Variants in CFAP251 observed in about 807,000 individuals in gnomAD.
CFAP251 encodes the protein cilia- and flagella-associated protein 251.
A neutral mutation model predicts 126.7 loss-of-function variants in CFAP251; 93 were observed. That is an observed-to-expected ratio of 0.73 (90% CI 0.62 to 0.87). The LOEUF is 0.87. CFAP251 is among the 40% of genes least tolerant of loss of function. The probability of loss-of-function intolerance (pLI) is 0.00; values close to 1 mark genes in which losing one functional copy is unlikely to be tolerated. For synonymous variants in CFAP251, 503 were observed against 506.9 expected (o/e 0.99, Z 0.10); for missense variants, 1,287 against 1,389.2 (o/e 0.93, Z 1.17).
At chr12:121,985,091 T>G (rs1882714488) in intron 19 of CFAP251, among the ~76,000 whole-genome samples, 1 of 152,226 alleles carries the variant, frequency 6.6e-6, no homozygotes, top group Non-Finnish European at 1.5e-5. Flanking sequence ...GTAACCCTAA[T>G]GTGTTTGATA....
intron 3 of CFAP251, among the ~76,000 whole-genome samples, chr12:121,927,689 G>C (rs576394508): frequency 2.6e-4 from 40 of 152,210 alleles, no homozygotes; most frequent in Middle Eastern, 6.8e-3. Flanking sequence ...TACAGTGAAC[G>C]TGCTCCTCCA....
intron 4 of CFAP251, among the ~76,000 whole-genome samples, chr12:121,934,028 G>A (rs1005786147): frequency 1.3e-5 from 2 of 152,120 alleles, no homozygotes; most frequent in Non-Finnish European, 2.9e-5. Flanking sequence ...TGTTCATGTA[G>A]GGAACTTATC....
intron 19 of CFAP251, among the ~76,000 whole-genome samples, chr12:121,986,870 T>C (rs1174149788): frequency 6.6e-6 from 1 of 152,180 alleles, no homozygotes; most frequent in African/African-American, 2.4e-5. Flanking sequence ...GGCTATAAAT[T>C]TGGGGAGACC....
chr12:121,931,567 C>G (rs1397970736), intron 3 of CFAP251, among the ~76,000 whole-genome samples, 179 bp from the exon 4 acceptor site: 2 of 152,232 alleles, frequency 1.3e-5, no homozygotes, highest in Middle Eastern at 6.3e-3. Flanking sequence ...CCCGCCTCAG[C>G]CTCCCAAAGT....
At position 121,954,270 on chromosome 12, in the gene CFAP251, A is replaced by G. The variant is rs1881635042; in HGVS notation, c.1471A>G (p.Ile491Val). ...SASTFLGFPYIKPCKLVHLQK... is the reference protein window; with the variant it reads ...SASTFLGFPYVKPCKLVHLQK... ...CTCCACCTTTTTGGGCTTTCCCTAT[A>G]TCAAGCCTTGTAAATTGGTTCATTT... Residue 491 changes from isoleucine to valine, a missense_variant, in exon 10 of 22, where the codon ATC (isoleucine) becomes GTC (valine). Coordinates refer to ENST00000288912, the MANE Select transcript of CFAP251 (RefSeq NM_144668.6). 10 of 1,614,186 alleles carry G rather than the reference A, an allele frequency of 6.2e-6. No individual in the cohort carries two copies. The highest frequency in any genetic ancestry group is 8.5e-6 in the Non-Finnish European group (10 of 1,180,036).
intron 19 of CFAP251, among the ~76,000 whole-genome samples, chr12:121,993,860 C>T (rs1882951759): frequency 7.7e-6 from 1 of 129,740 alleles, no homozygotes; most frequent in Non-Finnish European, 1.7e-5. Flanking sequence ...GGGTCAGCCC[C>T]CCCGCCCGGC....
intron 19 of CFAP251, among the ~76,000 whole-genome samples, chr12:121,984,018 C>T (rs1156624415): frequency 6.6e-6 from 1 of 152,152 alleles, no homozygotes; most frequent in Non-Finnish European, 1.5e-5. Flanking sequence ...GAGTATACGC[C>T]TCACTACTGG....
At chr12:121,967,165 T>G in intron 16 of CFAP251, 96 bp downstream of exon 16, 102 of 1,212,764 alleles carry the variant, frequency 8.4e-5, no homozygotes, top group Non-Finnish European at 1.0e-4. Flanking sequence ...AGTTCTGGGT[T>G]TACAGCCAAG....
At chr12:122,003,272 C>T (rs1308733670) in intron 21 of CFAP251, among the ~76,000 whole-genome samples, 1 of 152,122 alleles carries the variant, frequency 6.6e-6, no homozygotes, top group Non-Finnish European at 1.5e-5. Flanking sequence ...GGAAAATCCT[C>T]CTGAGTTAGA....
At chr12:121,946,980 T>G (rs1881349190) in intron 7 of CFAP251, among the ~76,000 whole-genome samples, 1 of 152,198 alleles carries the variant, frequency 6.6e-6, no homozygotes, top group Non-Finnish European at 1.5e-5. Context: ...ATGTTATATC[T>G]CTTCTCAGTT....
intron 1 of CFAP251, among the ~76,000 whole-genome samples, chr12:121,920,125 A>G (rs1417504251): frequency 6.6e-6 from 1 of 150,494 alleles, no homozygotes. Context: ...CAGTAATTGC[A>G]GTGAGCCAAG....
rs575116575 is a variant in CFAP251, at chr12:121,941,395, G to A, written c.999-1139G>A. Among the ~76,000 whole-genome samples the A allele has an allele frequency of 1.7e-3, 250 of 146,910 alleles. 5 individuals are homozygous for A. Among genetic ancestry groups the A allele is most frequent in the South Asian group, 8.2e-3 (38 of 4,624 alleles). ...ATCACCCAGGCTGGAGTGCGGTGGC[G>A]TGATCTTGGCTCACTGCAGCCTCAA... On this transcript the variant is annotated intron_variant, in intron 5 of 21. Coordinates refer to ENST00000288912, the MANE Select transcript of CFAP251 (RefSeq NM_144668.6).
intron 21 of CFAP251, 110 bp downstream of exon 21, chr12:122,001,708 A>C (rs1489895086): frequency 1.2e-6 from 1 of 817,768 alleles, no homozygotes; most frequent in Admixed American, 1.9e-5. Context: ...CTAAGACTGC[A>C]CATAACAAAG....
intron 17 of CFAP251, chr12:121,969,169 C>A: frequency 1.0e-6 from 1 of 985,466 alleles, no homozygotes; most frequent in Non-Finnish European, 1.2e-6. Context: ...CCCCTGCCAT[C>A]TGCCAAATGC....
chr12:121,946,874 A>C (rs919850151), intron 7 of CFAP251, among the ~76,000 whole-genome samples: 1 of 152,002 alleles, frequency 6.6e-6, no homozygotes, highest in African/African-American at 2.4e-5. Context: ...CCACTGCTGC[A>C]CCAGCCCCAG....
intron 19 of CFAP251, among the ~76,000 whole-genome samples, chr12:121,983,523 G>A (rs1459530607): frequency 1.3e-5 from 2 of 151,944 alleles, no homozygotes; most frequent in African/African-American, 4.8e-5. Context: ...AAAGGTATCC[G>A]GAAAAAAATG....
intron 5 of CFAP251, 122 bp downstream of exon 5, chr12:121,934,478 A>T: frequency 1.4e-6 from 1 of 718,378 alleles, no homozygotes; most frequent in Admixed American, 2.5e-5. Context: ...GTTCCACAGT[A>T]GACTGGCTTA....
At position 121,997,007 on chromosome 12, in the gene CFAP251, T is replaced by C. The variant is rs1883033822; in HGVS notation, c.3007-2709T>C. 2.6e-5 allele frequency: 4 copies of C among 152,232 alleles called. No individual in the cohort carries two copies. In the South Asian group the frequency reaches 8.3e-4, roughly 32 times the overall value. The allele number at this position is 152,232 out of a possible 1,614,324, so 9.4% of individuals were successfully genotyped here. On this transcript the variant is annotated intron_variant, in intron 19 of 21. Coordinates refer to ENST00000288912, the MANE Select transcript of CFAP251 (RefSeq NM_144668.6). ...GAATGAAATGCCATGAGCCAGTATCTGTAACCTGCGGGTGACAACTCGAGA... is the reference window on the plus strand; with the variant it reads ...GAATGAAATGCCATGAGCCAGTATCCGTAACCTGCGGGTGACAACTCGAGA...
In CFAP251 at chr12:121,989,715, C is replaced by T. The variant is rs747036407; in HGVS notation, c.3007-10001C>T. ...AGGGTATTGTGCGTTGGGAAGAGGG[C>T]GTGGGGAAGAGGGTGAGTGCTCCCA... On this transcript the variant is annotated intron_variant, in intron 19 of 21. Transcript: ENST00000288912. This position sits in a 1 kb window ranked among gnomAD's most constrained non-coding sequence, Gnocchi z 4.2. 3.9e-5 allele frequency among the ~76,000 whole-genome samples: 6 copies of T among 152,080 alleles called. No individual in the cohort carries two copies. Among genetic ancestry groups the T allele is most frequent in the Middle Eastern group, 3.4e-3 (1 of 294 alleles).
Sources: allele counts gnomAD v4.1 joint callset (sites outside exome capture counted in the v4.1 genomes callset), GRCh38; gene constraint gnomAD v4.1.1; non-coding constraint Gnocchi (gnomAD v3.1); transcripts MANE v1.5; gene names NCBI Gene and HGNC (gene_info 2026-07-23, HGNC 2026-07-21).